CNTNAP2: variants seen among roughly 807,000 people sequenced by gnomAD.
CNTNAP2 encodes contactin associated protein 2.
CNTNAP2 carries 98 observed loss-of-function variants against 155.2 expected under a neutral mutation model. The ratio of observed to expected loss-of-function variants is 0.63; its 90% CI spans 0.54 to 0.75. CNTNAP2 has a LOEUF of 0.75. CNTNAP2 is among the 30% of genes least tolerant of loss of function. The pLI, the probability that CNTNAP2 is intolerant of heterozygous loss-of-function variation, is 0.00. For synonymous variants in CNTNAP2, 651 were observed against 631.2 expected (o/e 1.03, Z -0.47); for missense variants, 1,727 against 1,688.1 (o/e 1.02, Z -0.40).
chr7:148,080,620 A>AG (rs1438129442), intron 15 of CNTNAP2, among the ~76,000 whole-genome samples: 2 of 139,106 alleles, frequency 1.4e-5, no homozygotes, highest in African/African-American at 5.1e-5. Context: ...AAAAAAAAAA[A>AG]AAAGAAAAGA....
intron 3 of CNTNAP2, among the ~76,000 whole-genome samples, chr7:147,003,898 G>A (rs1330917426): frequency 4.6e-5 from 7 of 151,838 alleles, no homozygotes; most frequent in South Asian, 2.1e-4. Flanking sequence ...CAGGCATGAT[G>A]GTGCATATCT....
At chr7:148,020,830 AG>A (rs1802267948) in intron 15 of CNTNAP2, among the ~76,000 whole-genome samples, 1 of 152,250 alleles carries the variant, frequency 6.6e-6, no homozygotes, top group Admixed American at 6.5e-5. Context: ...AGCATAAAAA[AG>A]GAGCCCAGCA....
At chr7:146,564,451 C>T (rs558849497) in intron 1 of CNTNAP2, among the ~76,000 whole-genome samples, 170 of 150,902 alleles carry the variant, frequency 1.1e-3, no homozygotes, top group African/African-American at 3.9e-3. Flanking sequence ...AGAGTAAGTA[C>T]TTAATATACA....
intron 9 of CNTNAP2, among the ~76,000 whole-genome samples, chr7:147,315,281 TGG>T (rs1368312675): frequency 9.5e-6 from 1 of 104,768 alleles, no homozygotes; most frequent in Non-Finnish European, 1.9e-5. Context: ...GTGAATAACT[TGG>T]TGTGATACTC....
At chr7:147,040,018 C>CAATCT (rs1341843235) in intron 3 of CNTNAP2, among the ~76,000 whole-genome samples, 2 of 152,120 alleles carry the variant, frequency 1.3e-5, no homozygotes, top group East Asian at 3.9e-4. Flanking sequence ...GTATAACAGA[C>CAATCT]AATCTATAGA....
At position 146,383,422 on chromosome 7, in the gene CNTNAP2, A is replaced by G. The variant is rs374349019; in HGVS notation, c.97+266449A>G. ...AATGGGAGTCAGGTAGCTGGTTTTTAACGGCATTTCTGATGAAAATGATCT... is the reference window on the plus strand; with the variant it reads ...AATGGGAGTCAGGTAGCTGGTTTTTGACGGCATTTCTGATGAAAATGATCT... On this transcript the variant is annotated intron_variant, in intron 1 of 23. Transcript: ENST00000361727. Among the ~76,000 whole-genome samples, 10 of 152,252 alleles carry G rather than the reference A, an allele frequency of 6.6e-5. No individual in the cohort carries two copies. The East Asian group carries it at 1.5e-3, about 24-fold the overall frequency.
chr7:147,606,508 G>C (rs924622683), intron 12 of CNTNAP2, among the ~76,000 whole-genome samples: 4 of 152,200 alleles, frequency 2.6e-5, no homozygotes, highest in Non-Finnish European at 4.4e-5. Context: ...CAGGTGACCA[G>C]ATGGCTGAGC....
chr7:148,008,819 C>T (rs1198683250), intron 15 of CNTNAP2, among the ~76,000 whole-genome samples: 1 of 152,172 alleles, frequency 6.6e-6, no homozygotes, highest in Non-Finnish European at 1.5e-5. Context: ...CATCATCACT[C>T]TCTGTTTCTT....
chr7:147,772,482 A>G (rs1449437504), intron 13 of CNTNAP2, among the ~76,000 whole-genome samples: 11 of 129,482 alleles, frequency 8.5e-5, no homozygotes, highest in Non-Finnish European at 1.7e-4. Flanking sequence ...ATATATATAT[A>G]TACACACACA....
At chr7:147,027,429 C>T (rs907431401) in intron 3 of CNTNAP2, among the ~76,000 whole-genome samples, 1 of 152,180 alleles carries the variant, frequency 6.6e-6, no homozygotes, top group South Asian at 2.1e-4. Context: ...CATATTGCTT[C>T]AATTAAGTCA....
intron 2 of CNTNAP2, among the ~76,000 whole-genome samples, chr7:146,775,869 G>A (rs1802381615): frequency 6.6e-6 from 1 of 151,966 alleles, no homozygotes. Context: ...TGATACACAA[G>A]CAAAGGTAGA....
intron 1 of CNTNAP2, among the ~76,000 whole-genome samples, chr7:146,320,117 A>C (rs1800976433): frequency 6.6e-6 from 1 of 152,114 alleles, no homozygotes. Context: ...CTCTGAGTAT[A>C]AATTGTTTAA....
chr7:146,488,742 C>A (rs1424516965), intron 1 of CNTNAP2, among the ~76,000 whole-genome samples: 1 of 152,166 alleles, frequency 6.6e-6, no homozygotes, highest in Non-Finnish European at 1.5e-5. Context: ...GATCTTCCCA[C>A]CTCACCTGCC....
intron 13 of CNTNAP2, among the ~76,000 whole-genome samples, chr7:147,776,399 C>T (rs1186322705): frequency 6.6e-6 from 1 of 151,594 alleles, no homozygotes; most frequent in Non-Finnish European, 1.5e-5. Context: ...ACTGTAAATG[C>T]ACAATTTGCC....
At chr7:147,049,341 A>G (rs1251703005) in intron 4 of CNTNAP2, among the ~76,000 whole-genome samples, 2 of 152,214 alleles carry the variant, frequency 1.3e-5, no homozygotes, top group African/African-American at 4.8e-5. Flanking sequence ...AAATATATAT[A>G]TGTTAAACAT....
chr7:146,196,611 G>A (rs996967614), intron 1 of CNTNAP2, among the ~76,000 whole-genome samples: 5 of 151,852 alleles, frequency 3.3e-5, no homozygotes, highest in Non-Finnish European at 7.4e-5. Flanking sequence ...GAAAGAGAGA[G>A]AATTGTGGGA....
intron 10 of CNTNAP2, among the ~76,000 whole-genome samples, chr7:147,483,990 G>GC (rs1428188649): frequency 7.7e-5 from 10 of 130,428 alleles, no homozygotes; most frequent in African/African-American, 3.0e-4. Context: ...TTCTTTTCAG[G>GC]CCCGGGTGAA....
rs1303558504 is a variant in CNTNAP2, at chr7:147,300,200, G to C, written c.1408G>C (p.Ala470Pro). ...TCGCTTCCTAGCCAAGGAAAATTTT[G>C]CTATTCTCACCATCGATGGAGATGA... ...EVRFLAKENF[A>P]ILTIDGDEAS... Residue 470 changes from alanine to proline, a missense_variant, in exon 9 of 24, where the codon GCT becomes CCT. Coordinates refer to ENST00000361727, the MANE Select transcript of CNTNAP2 (RefSeq NM_014141.6). The C allele has an allele frequency of 6.2e-7, 1 of 1,613,994 alleles. No homozygotes were observed. The highest frequency in any genetic ancestry group is 1.1e-5 in the South Asian group (1 of 91,084).
intron 1 of CNTNAP2, among the ~76,000 whole-genome samples, chr7:146,220,407 G>T (rs1318217944): frequency 1.3e-5 from 2 of 152,086 alleles, no homozygotes; most frequent in Non-Finnish European, 2.9e-5. Context: ...CAGTATGATA[G>T]TTGCAGGAAG....
Sources: allele counts gnomAD v4.1 joint callset (sites outside exome capture counted in the v4.1 genomes callset), GRCh38; gene constraint gnomAD v4.1.1; transcripts MANE v1.5; gene names NCBI Gene and HGNC (gene_info 2026-07-23, HGNC 2026-07-21).